FER: variants seen among roughly 807,000 people sequenced by gnomAD.
FER encodes FER tyrosine kinase, also known as tyrosine-protein kinase Fer.
In FER, 63 loss-of-function variants were observed where a neutral mutation model predicts 111.0. That is an observed-to-expected ratio of 0.57 (90% CI 0.46 to 0.70). The LOEUF is 0.70. FER is among the 30% of genes least tolerant of loss of function. FER has a pLI of 0.00. For synonymous variants in FER, 327 were observed against 313.9 expected, an observed-to-expected ratio of 1.04 and a Z score of -0.44; for missense variants, 914 against 954.0, an observed-to-expected ratio of 0.96 and a Z score of 0.55.
Position 109,187,785 on chromosome 5 carries a change from C to T in FER, c.*210C>T, listed in dbSNP as rs1759046002. ...AATAGGCAGTCCTACCAAGGGCTTT[C>T]TTAGCTAACCATAGCAATCCTACCA... On this transcript the variant is annotated 3_prime_UTR_variant, in exon 20 of 20. Transcript: ENST00000281092. 5.2e-6 allele frequency: 3 copies of T among 577,112 alleles called. No homozygotes were observed. The highest frequency in any genetic ancestry group is 2.1e-5 in the South Asian group (1 of 46,730). The allele number at this position is 577,112 out of a possible 1,614,324, so 35.7% of individuals were successfully genotyped here. A position where few individuals can be genotyped will look rare whatever the true frequency, so the allele number is the denominator to read the frequency against.
intron 13 of FER, chr5:109,014,922 GTGC>G (rs1766849469): frequency 6.6e-6 from 1 of 152,158 alleles, no homozygotes; most frequent in African/African-American, 2.4e-5. Flanking sequence ...TTTAGTATAT[GTGC>G]TGCTGAAGCG....
chr5:108,895,507 TC>T (rs1212333529), intron 9 of FER, among the ~76,000 whole-genome samples: 1 of 152,164 alleles, frequency 6.6e-6, no homozygotes, highest in Non-Finnish European at 1.5e-5. Context: ...TTAGAGGCTG[TC>T]CTCATTACAT....
At chr5:108,858,134 C>T (rs781116793) in intron 5 of FER, among the ~76,000 whole-genome samples, 27 of 152,146 alleles carry the variant, frequency 1.8e-4, no homozygotes, top group Non-Finnish European at 7.4e-5. Flanking sequence ...ATTGGTCTGT[C>T]TAGGGATACA....
chr5:108,845,033 T>TAC lies in FER; in HGVS notation c.481+9227_481+9228insCA, dbSNP rs1561503122. On this transcript the variant is annotated intron_variant, in intron 5 of 19. Coordinates refer to ENST00000281092, the MANE Select transcript of FER (RefSeq NM_005246.4). ...ATATATATATATATATATATATATA[T>TAC]ATATATACATATATATATATATATA... Among the ~76,000 whole-genome samples, 396 of 54,450 alleles carry TAC rather than the reference T, an allele frequency of 7.3e-3. 4 individuals carry two copies. Among genetic ancestry groups the TAC allele is most frequent in the African/African-American group, 0.025 (376 of 15,268 alleles). 35.7% of individuals were successfully genotyped at this position (54,450 alleles called of 152,430 possible).
chr5:108,881,104 T>G (rs1765631230), intron 8 of FER, among the ~76,000 whole-genome samples: 1 of 152,164 alleles, frequency 6.6e-6, no homozygotes, highest in African/African-American at 2.4e-5. Flanking sequence ...GATAAAACTT[T>G]GGTTTATAGT....
chr5:109,159,902 T>A (rs150265785), intron 17 of FER, among the ~76,000 whole-genome samples: 235 of 152,192 alleles, frequency 1.5e-3, no homozygotes, highest in African/African-American at 5.3e-3. Context: ...AACCATTGAC[T>A]AGTTTTGATT....
chr5:109,070,914 A>T (rs376432610), intron 16 of FER, among the ~76,000 whole-genome samples: 1 of 152,020 alleles, frequency 6.6e-6, no homozygotes, highest in Non-Finnish European at 1.5e-5. Flanking sequence ...GACATTTTTT[A>T]AAAATAAATG....
intron 16 of FER, among the ~76,000 whole-genome samples, chr5:109,055,973 T>A (rs1399461964): frequency 6.6e-6 from 1 of 151,954 alleles, no homozygotes; most frequent in African/African-American, 2.4e-5. Flanking sequence ...AGATATACGA[T>A]AGGTGCTCAA....
chr5:109,128,339 T>C lies in FER; in HGVS notation c.2048+27820T>C, dbSNP rs1482358796. Among the ~76,000 whole-genome samples the C allele has an allele frequency of 8.5e-5, 13 of 152,146 alleles. No individual in the cohort carries two copies. In the East Asian group the frequency reaches 2.5e-3, roughly 29 times the overall value. The stretch of plus-strand genomic sequence containing the variant: ...GTAAGTGTAATAATGAGTTTTGGCA[T>C]ACTATAAATATTTATGACAACTTTC... On this transcript the variant is annotated intron_variant, in intron 17 of 19. Coordinates refer to ENST00000281092, the MANE Select transcript of FER (RefSeq NM_005246.4).
At chr5:108,828,429 C>T (rs988056344) in intron 3 of FER, among the ~76,000 whole-genome samples, 10 of 152,122 alleles carry the variant, frequency 6.6e-5, no homozygotes, top group African/African-American at 2.4e-4. Flanking sequence ...TTCTTTCCGT[C>T]AGTCTCTCAT....
At chr5:108,844,120 A>G in intron 5 of FER, among the ~76,000 whole-genome samples, 1 of 93,498 alleles carries the variant, frequency 1.1e-5, no homozygotes, top group African/African-American at 4.5e-5. Flanking sequence ...GTGTGTGAAC[A>G]CATATATGTG....
intron 10 of FER, among the ~76,000 whole-genome samples, chr5:108,925,055 A>G (rs1214388405): frequency 6.6e-6 from 1 of 151,948 alleles, no homozygotes; most frequent in African/African-American, 2.4e-5. Flanking sequence ...AGTTTTGAGA[A>G]AAATATGTCC....
At chr5:108,944,850 A>AAAGAACCTATCTATAAAGAATCTAT (rs1756765774) in intron 10 of FER, among the ~76,000 whole-genome samples, 1 of 152,046 alleles carries the variant, frequency 6.6e-6, no homozygotes, top group Non-Finnish European at 1.5e-5. Flanking sequence ...CCTTCATATG[A>AAAGAACCTATCTATAAAGAATCTAT]AAAGATGTTT....
At chr5:109,040,823 G>A (rs1352553372) in intron 14 of FER, among the ~76,000 whole-genome samples, 3 of 152,128 alleles carry the variant, frequency 2.0e-5, no homozygotes, top group African/African-American at 7.2e-5. Flanking sequence ...TTGCTAGAGC[G>A]TCATCCTTGA....
intron 17 of FER, among the ~76,000 whole-genome samples, chr5:109,128,139 GA>G (rs1340796494): frequency 2.0e-5 from 3 of 152,012 alleles, no homozygotes; most frequent in African/African-American, 7.2e-5. Flanking sequence ...TCCTAGCCAT[GA>G]AAAAGAAATA....
intron 3 of FER, among the ~76,000 whole-genome samples, chr5:108,809,272 G>C (rs1757507814): frequency 6.6e-6 from 1 of 152,162 alleles, no homozygotes; most frequent in Admixed American, 6.5e-5. Context: ...GTATTTCTCA[G>C]AGAGTTTGTT....
rs6149172 is a variant in FER, at chr5:109,146,253, A to AATATATATATATATAT, written c.2049-34471_2049-34456dup. Among the ~76,000 whole-genome samples, 122 of 42,056 alleles carry AATATATATATATATAT rather than the reference A, an allele frequency of 2.9e-3. 3 individuals are homozygous for AATATATATATATATAT. The highest frequency in any genetic ancestry group is 4.4e-3 in the Non-Finnish European group (91 of 20,892). The allele number at this position is 42,056 out of a possible 152,430, so 27.6% of individuals were successfully genotyped here. ...TATCTAATATATATATAATCTATCTAATATATATATATATATATATATATA... is the reference window on the plus strand; with the variant it reads ...TATCTAATATATATATAATCTATCTAATATATATATATATATATATATATATATATATATATATATA... On this transcript the variant is annotated intron_variant, in intron 17 of 19. Transcript: ENST00000281092.
At chr5:108,774,965 C>T (rs1397004245) in intron 2 of FER, among the ~76,000 whole-genome samples, 3 of 152,146 alleles carry the variant, frequency 2.0e-5, no homozygotes, top group Non-Finnish European at 4.4e-5. Context: ...GAAGTCTTTG[C>T]TCATGCCTAT....
intron 9 of FER, among the ~76,000 whole-genome samples, chr5:108,896,736 A>G (rs1749162049): frequency 6.6e-6 from 1 of 152,198 alleles, no homozygotes. Flanking sequence ...TTGTCTGTGA[A>G]TATTTATTCA....
Sources: allele counts gnomAD v4.1 joint callset (sites outside exome capture counted in the v4.1 genomes callset), GRCh38; gene constraint gnomAD v4.1.1; transcripts MANE v1.5; gene names NCBI Gene and HGNC (gene_info 2026-07-23, HGNC 2026-07-21).